The following LRRC49 variants were observed in gnomAD, a reference collection of about 807,000 sequenced individuals.
The protein encoded by LRRC49 is leucine rich repeat containing 49.
In LRRC49, 50 loss-of-function variants were observed where a neutral mutation model predicts 83.3. That is an observed-to-expected ratio of 0.60 (90% CI 0.48 to 0.76). The LOEUF is 0.76. LRRC49 is among the 30% of genes least tolerant of loss of function. The pLI is 0.00. For synonymous variants in LRRC49, 286 were observed against 283.3 expected, an observed-to-expected ratio of 1.01 and a Z score of -0.10; for missense variants, 704 against 809.1, an observed-to-expected ratio of 0.87 and a Z score of 1.58.
intron 8 of LRRC49, among the ~76,000 whole-genome samples, chr15:70,960,195 A>G (rs1203404712): frequency 1.3e-5 from 2 of 152,202 alleles, no homozygotes; most frequent in Non-Finnish European, 2.9e-5. Flanking sequence ...CTCAACACTA[A>G]CAAGCAGTGC....
intron 14 of LRRC49, among the ~76,000 whole-genome samples, chr15:71,024,014 G>T (rs149980637): frequency 1.3e-5 from 2 of 152,344 alleles, no homozygotes; most frequent in East Asian, 3.9e-4. Flanking sequence ...AGGAATGGCA[G>T]CCATCACTGC....
intron 9 of LRRC49, among the ~76,000 whole-genome samples, chr15:70,969,733 G>C (rs1012870122): frequency 1.3e-5 from 2 of 152,002 alleles, no homozygotes; most frequent in Non-Finnish European, 2.9e-5. Flanking sequence ...GTTTTCTTCT[G>C]TTTGTAGCAA....
intron 1 of LRRC49, among the ~76,000 whole-genome samples, chr15:70,854,371 G>C (rs2032595671): frequency 6.6e-6 from 1 of 152,100 alleles, no homozygotes; most frequent in African/African-American, 2.4e-5. Flanking sequence ...GGATCCCCGC[G>C]ACCCCCGATC....
At chr15:70,938,972 T>C (rs1462222892) in intron 8 of LRRC49, among the ~76,000 whole-genome samples, 1 of 152,196 alleles carries the variant, frequency 6.6e-6, no homozygotes, top group Non-Finnish European at 1.5e-5. Flanking sequence ...TTTAAAAGCA[T>C]ACACTGTTGC....
chr15:70,857,326 G>A (rs937522610), intron 1 of LRRC49, among the ~76,000 whole-genome samples: 2 of 152,120 alleles, frequency 1.3e-5, no homozygotes, highest in African/African-American at 2.4e-5. Flanking sequence ...AGATATTGTG[G>A]TGAAGCTGGG....
chr15:71,038,103 A>T (rs1375383421), intron 15 of LRRC49, among the ~76,000 whole-genome samples: 1 of 152,142 alleles, frequency 6.6e-6, no homozygotes, highest in Non-Finnish European at 1.5e-5. Context: ...AGCATCTATG[A>T]CTCATGTGCA....
At chr15:70,970,154 A>G (rs1317784565) in intron 9 of LRRC49, among the ~76,000 whole-genome samples, 1 of 152,184 alleles carries the variant, frequency 6.6e-6, no homozygotes, top group Non-Finnish European at 1.5e-5. Context: ...ATGTTCCATC[A>G]ATACCTAGTT....
At position 71,049,672 on chromosome 15, in the gene LRRC49, C is replaced by A; in HGVS notation, c.*60C>A. On this transcript the variant is annotated 3_prime_UTR_variant, in exon 16 of 16. Coordinates refer to ENST00000260382, the MANE Select transcript of LRRC49 (RefSeq NM_017691.5). ...TTATTTTTTGAAGGTTGAAAATATG[C>A]AGGTTATACATGTTAAAACAACAAC... 1 of 1,095,246 alleles carries A rather than the reference C, an allele frequency of 9.1e-7. No individual in the cohort carries two copies. The highest frequency in any genetic ancestry group is 1.4e-5 in the South Asian group (1 of 73,012). 67.8% of individuals were successfully genotyped at this position (1,095,246 alleles called of 1,614,324 possible).
chr15:71,030,384 C>T (rs1330637672), intron 14 of LRRC49, among the ~76,000 whole-genome samples: 1 of 152,196 alleles, frequency 6.6e-6, no homozygotes, highest in East Asian at 1.9e-4. Context: ...CAGAGAGATC[C>T]ACTGTTAGTC....
intron 9 of LRRC49, among the ~76,000 whole-genome samples, chr15:70,979,675 T>G (rs1388568481): frequency 1.3e-5 from 2 of 152,058 alleles, no homozygotes; most frequent in Non-Finnish European, 1.5e-5. Context: ...TTTACCCTGG[T>G]TTTTTCATCA....
intron 7 of LRRC49, among the ~76,000 whole-genome samples, chr15:70,927,446 A>G (rs1167009440): frequency 2.6e-5 from 4 of 152,024 alleles, no homozygotes; most frequent in African/African-American, 9.6e-5. Context: ...CTCTCTTAAC[A>G]GTGTTTTTGA....
intron 11 of LRRC49, among the ~76,000 whole-genome samples, chr15:71,005,309 C>T (rs1350559361): frequency 6.6e-6 from 1 of 151,916 alleles, no homozygotes; most frequent in African/African-American, 2.4e-5. Context: ...TCTGTGTTCC[C>T]TTAGCATATG....
chr15:70,945,753 T>G (rs992714943), intron 8 of LRRC49, among the ~76,000 whole-genome samples: 1 of 151,938 alleles, frequency 6.6e-6, no homozygotes, highest in Non-Finnish European at 1.5e-5. Flanking sequence ...TTTAAAAAAT[T>G]TTGCTTCCAT....
intron 7 of LRRC49, among the ~76,000 whole-genome samples, chr15:70,935,868 A>G (rs923512114): frequency 1.3e-5 from 2 of 151,884 alleles, no homozygotes; most frequent in African/African-American, 2.4e-5. Context: ...CCACACCCTT[A>G]TTCTCCCCCT....
intron 9 of LRRC49, among the ~76,000 whole-genome samples, chr15:70,974,246 G>A (rs1292713580): frequency 6.6e-6 from 1 of 152,200 alleles, no homozygotes; most frequent in Non-Finnish European, 1.5e-5. Flanking sequence ...TTAGTTTCCT[G>A]ACCTAGAAAT....
Position 71,008,610 on chromosome 15 carries a change from T to C in LRRC49, c.1401T>C (p.Asn467=), listed in dbSNP as rs1299903318. The C allele has an allele frequency of 6.2e-7, 1 of 1,604,786 alleles. No homozygotes were observed. The highest frequency in any genetic ancestry group is 8.5e-7 in the Non-Finnish European group (1 of 1,172,342). The stretch of plus-strand genomic sequence containing the variant: ...CTAAACTGAAGATTAAGTTTCCTAA[T>C]TCTCTGGTAAATATTTCCTTTTAGT... ...VLPKLKIKFP[N]SLHLKFKETN... The change falls in exon 12 of 16, where the codon AAT becomes AAC. Residue 467 remains asparagine (N), a synonymous_variant. Transcript: ENST00000260382.
rs1012560058 is a variant in LRRC49, at chr15:71,049,981, A to C, written c.*369A>C. The C allele has an allele frequency of 6.0e-6, 1 of 165,440 alleles. No homozygotes were observed. Among genetic ancestry groups the C allele is most frequent in the Non-Finnish European group, 1.3e-5 (1 of 77,300 alleles). 10.2% of individuals were successfully genotyped at this position (165,440 alleles called of 1,614,324 possible). On this transcript the variant is annotated 3_prime_UTR_variant, in exon 16 of 16. Transcript: ENST00000260382. Reference sequence around the variant, plus strand: ...TACCTACTTTTAGCTGATAATTTTCAGTTATTTCCCTTTTTATTTTATGTC... The same window carrying C: ...TACCTACTTTTAGCTGATAATTTTCCGTTATTTCCCTTTTTATTTTATGTC...
chr15:70,891,880 T>G, upstream of LRRC49: 1 of 1,610,870 alleles, frequency 6.2e-7, no homozygotes, highest in Non-Finnish European at 8.5e-7. Context: ...CTCGGGGGCG[T>G]GTACAGGAGA....
At chr15:70,901,060 T>C (rs2141107669) in intron 4 of LRRC49, 36 bp downstream of exon 4, 1 of 1,254,632 alleles carries the variant, frequency 8.0e-7, no homozygotes, top group East Asian at 2.3e-5. Context: ...TTTTTTTGAC[T>C]AGGTAATACA....
Sources: allele counts gnomAD v4.1 joint callset (sites outside exome capture counted in the v4.1 genomes callset), GRCh38; gene constraint gnomAD v4.1.1; transcripts MANE v1.5; gene names NCBI Gene and HGNC (gene_info 2026-07-23, HGNC 2026-07-21).